CCBE1: variants seen among roughly 807,000 people sequenced by gnomAD.
The protein encoded by CCBE1 is collagen and calcium binding EGF domains 1.
A neutral mutation model predicts 50.0 loss-of-function variants in CCBE1; 37 were observed. The observed-to-expected ratio is 0.74, with a 90% CI of 0.57 to 0.97. The LOEUF is 0.97. Ranked by LOEUF, CCBE1 falls within the 50% of genes least tolerant of loss-of-function variation. The pLI is 0.00. For missense variants in CCBE1, 538 were observed against 523.8 expected (o/e 1.03, Z -0.26); for synonymous variants, 234 against 203.7 (o/e 1.15, Z -1.27).
intron 2 of CCBE1, among the ~76,000 whole-genome samples, chr18:59,519,913 CATTT>C (rs1357727037): frequency 1.3e-5 from 2 of 152,084 alleles, no homozygotes; most frequent in East Asian, 3.9e-4. Context: ...TTTCCAACTC[CATTT>C]ATTAAATAGG....
intron 2 of CCBE1, among the ~76,000 whole-genome samples, chr18:59,614,659 G>A (rs1162552138): frequency 6.6e-6 from 1 of 152,196 alleles, no homozygotes; most frequent in African/African-American, 2.4e-5. Context: ...TCTTGATCTA[G>A]TCTAAACGCT....
At chr18:59,446,065 C>T (rs1910654062) in intron 7 of CCBE1, among the ~76,000 whole-genome samples, 1 of 152,102 alleles carries the variant, frequency 6.6e-6, no homozygotes, top group Admixed American at 6.5e-5. Context: ...GTGGTGGGTA[C>T]CACAAACACT....
intron 2 of CCBE1, among the ~76,000 whole-genome samples, chr18:59,569,049 T>G (rs1254777569): frequency 6.6e-6 from 1 of 152,232 alleles, no homozygotes; most frequent in Non-Finnish European, 1.5e-5. Flanking sequence ...TTTTCCTCTC[T>G]GCAGAGGGGT....
At chr18:59,595,845 G>C (rs1391865515) in intron 2 of CCBE1, among the ~76,000 whole-genome samples, 1 of 152,128 alleles carries the variant, frequency 6.6e-6, no homozygotes, top group African/African-American at 2.4e-5. Flanking sequence ...TTTATCAAGT[G>C]GGTACCACAG....
intron 2 of CCBE1, among the ~76,000 whole-genome samples, chr18:59,631,146 T>C (rs2053843594): frequency 6.6e-6 from 1 of 152,038 alleles, no homozygotes; most frequent in Admixed American, 6.6e-5. Context: ...ACTCTCAGCA[T>C]GGCAGTTGTT....
intron 2 of CCBE1, among the ~76,000 whole-genome samples, chr18:59,606,324 G>C (rs534000697): frequency 3.9e-5 from 6 of 152,300 alleles, no homozygotes; most frequent in Admixed American, 1.3e-4. Flanking sequence ...AAAGCAGCGA[G>C]GCATCTGGGA....
chr18:59,612,964 CTG>C (rs1487696202), intron 2 of CCBE1, among the ~76,000 whole-genome samples: 1 of 151,682 alleles, frequency 6.6e-6, no homozygotes, highest in African/African-American at 2.4e-5. Flanking sequence ...GTATTAGAGA[CTG>C]TGAAGAGAGG....
intron 2 of CCBE1, among the ~76,000 whole-genome samples, chr18:59,514,644 T>TGA (rs1914289398): frequency 8.7e-6 from 1 of 114,702 alleles, no homozygotes; most frequent in African/African-American, 3.7e-5. Flanking sequence ...TTCCTTTCCT[T>TGA]GAAAAAAAAA....
At chr18:59,474,949 T>C (rs529711207) in intron 3 of CCBE1, among the ~76,000 whole-genome samples, 4 of 152,208 alleles carry the variant, frequency 2.6e-5, no homozygotes, top group Non-Finnish European at 4.4e-5. Context: ...TTTATTGCTA[T>C]TATCTCCTCT....
chr18:59,643,317 A>G (rs1249073219), intron 2 of CCBE1, among the ~76,000 whole-genome samples: 1 of 152,204 alleles, frequency 6.6e-6, no homozygotes, highest in Admixed American at 6.5e-5. Flanking sequence ...ACACTATTTG[A>G]GCAAATGCTC....
intron 2 of CCBE1, among the ~76,000 whole-genome samples, chr18:59,535,700 A>C (rs1489740822): frequency 6.6e-6 from 1 of 152,262 alleles, no homozygotes; most frequent in Non-Finnish European, 1.5e-5. Context: ...ACATGTATTA[A>C]ACAATGTAAA....
intron 2 of CCBE1, among the ~76,000 whole-genome samples, chr18:59,614,429 C>T (rs2053612916): frequency 6.6e-6 from 1 of 152,182 alleles, no homozygotes; most frequent in South Asian, 2.1e-4. Context: ...AAATTTAAAA[C>T]ACACTTAGCC....
At chr18:59,474,103 G>T (rs1204235352) in intron 3 of CCBE1, among the ~76,000 whole-genome samples, 1 of 152,174 alleles carries the variant, frequency 6.6e-6, no homozygotes, top group South Asian at 2.1e-4. Flanking sequence ...ATTCCATGGT[G>T]TATATGTACC....
intron 2 of CCBE1, among the ~76,000 whole-genome samples, chr18:59,695,009 T>A (rs770864540): frequency 6.6e-6 from 1 of 152,090 alleles, no homozygotes; most frequent in Non-Finnish European, 1.5e-5. Context: ...TCAAAGAGTA[T>A]AAAAGAAACA....
intron 2 of CCBE1, among the ~76,000 whole-genome samples, chr18:59,677,467 T>C (rs1028209582): frequency 2.0e-5 from 3 of 152,116 alleles, no homozygotes; most frequent in African/African-American, 7.2e-5. Flanking sequence ...AGTAGGCAAC[T>C]GGATATGTGA....
At chr18:59,438,194 A>T in intron 9 of CCBE1, 48 bp from the exon 10 acceptor site, 1 of 1,543,164 alleles carries the variant, frequency 6.5e-7, no homozygotes, top group Non-Finnish European at 9.0e-7. Context: ...CATGGATATC[A>T]CAAGAATAGT....
intron 2 of CCBE1, among the ~76,000 whole-genome samples, chr18:59,498,212 G>T (rs1352391102): frequency 6.6e-6 from 1 of 151,554 alleles, no homozygotes; most frequent in African/African-American, 2.4e-5. Context: ...TTTTTGTCCA[G>T]TTATACTGGT....
chr18:59,512,912 G>T (rs1030410978), intron 2 of CCBE1, among the ~76,000 whole-genome samples: 1 of 152,188 alleles, frequency 6.6e-6, no homozygotes, highest in Non-Finnish European at 1.5e-5. Context: ...AGAAACCTGG[G>T]CAGGAGACAT....
chr18:59,591,373 A>C (rs1178830251), intron 2 of CCBE1, among the ~76,000 whole-genome samples: 1 of 152,010 alleles, frequency 6.6e-6, no homozygotes, highest in Middle Eastern at 3.2e-3. Context: ...ATAGTGAAAA[A>C]TGCCATAAGC....
Sources: gnomAD v4.1 joint callset for allele counts (sites outside exome capture counted in the v4.1 genomes callset) on GRCh38, gnomAD v4.1.1 for gene constraint, MANE v1.5 for transcripts, NCBI Gene and HGNC (gene_info 2026-07-23, HGNC 2026-07-21) for gene names.